Variants in SDK1 observed in about 807,000 individuals in gnomAD.
The protein encoded by SDK1 is protein sidekick-1.
In SDK1, 157 loss-of-function variants were observed where a neutral mutation model predicts 245.5. That is an observed-to-expected ratio of 0.64 (90% CI 0.56 to 0.73). The LOEUF is 0.73. Ranked by LOEUF, SDK1 falls within the 30% of genes least tolerant of loss-of-function variation. The pLI is 0.00. For missense variants in SDK1, 3,583 were observed against 3,002.3 expected, an observed-to-expected ratio of 1.19 and a Z score of -4.52; for synonymous variants, 1,647 against 1,278.5, an observed-to-expected ratio of 1.29 and a Z score of -6.15.
At chr7:3,805,063 G>C (rs1779207741) in intron 4 of SDK1, among the ~76,000 whole-genome samples, 1 of 152,178 alleles carries the variant, frequency 6.6e-6, no homozygotes, top group African/African-American at 2.4e-5. Flanking sequence ...ATGAGGTAAT[G>C]TATGGTTAAT....
chr7:3,975,170 G>T (rs1782817347), intron 13 of SDK1, among the ~76,000 whole-genome samples: 1 of 152,160 alleles, frequency 6.6e-6, no homozygotes, highest in South Asian at 2.1e-4. Context: ...TCTATTCATG[G>T]AGCAGGAAAC....
chr7:4,144,318 G>C (rs776156131), intron 28 of SDK1, among the ~76,000 whole-genome samples: 51 of 152,138 alleles, frequency 3.4e-4, no homozygotes, highest in Non-Finnish European at 4.4e-4. Context: ...AAGACAGCCC[G>C]TCCACTGGAG....
intron 1 of SDK1, among the ~76,000 whole-genome samples, chr7:3,360,765 G>A (rs1780929457): frequency 6.6e-6 from 1 of 152,106 alleles, no homozygotes; most frequent in Non-Finnish European, 1.5e-5. Flanking sequence ...GACTGTATTA[G>A]CAGTCCCCCC....
chr7:3,534,436 T>G (rs1014309517), intron 1 of SDK1, among the ~76,000 whole-genome samples: 1 of 152,166 alleles, frequency 6.6e-6, no homozygotes, highest in African/African-American at 2.4e-5. Context: ...GTAATTATAT[T>G]TTTAATTTTT....
At chr7:3,321,628 G>T (rs1779804622) in intron 1 of SDK1, among the ~76,000 whole-genome samples, 1 of 151,398 alleles carries the variant, frequency 6.6e-6, no homozygotes, top group Non-Finnish European at 1.5e-5. Context: ...GTTTTCGCAA[G>T]TTTTTTTTTA....
At chr7:3,575,379 A>G (rs1045675288) in intron 1 of SDK1, among the ~76,000 whole-genome samples, 1 of 152,022 alleles carries the variant, frequency 6.6e-6, no homozygotes, top group Admixed American at 6.6e-5. Context: ...AATGCCTCCC[A>G]AAGGTCCTAT....
At chr7:4,244,662 A>G (rs566996523) in intron 43 of SDK1, among the ~76,000 whole-genome samples, 13 of 152,264 alleles carry the variant, frequency 8.5e-5, no homozygotes, top group Non-Finnish European at 1.6e-4. Flanking sequence ...GAGTCTGGGC[A>G]CAGCTCAGCT....
At chr7:3,600,350 G>A (rs1781214548) in intron 1 of SDK1, among the ~76,000 whole-genome samples, 1 of 152,086 alleles carries the variant, frequency 6.6e-6, no homozygotes, top group Non-Finnish European at 1.5e-5. Flanking sequence ...TTCCTACATA[G>A]ACAGTAACAT....
At chr7:3,782,234 C>G (rs900845146) in intron 4 of SDK1, among the ~76,000 whole-genome samples, 3 of 152,180 alleles carry the variant, frequency 2.0e-5, no homozygotes, top group Non-Finnish European at 2.9e-5. Flanking sequence ...AAGCACTTGT[C>G]TCACATCGCT....
intron 1 of SDK1, among the ~76,000 whole-genome samples, chr7:3,524,052 C>T (rs1300005765): frequency 1.3e-5 from 2 of 152,164 alleles, no homozygotes; most frequent in South Asian, 2.1e-4. Context: ...TCATTGACAA[C>T]ATTGGTTCGT....
At chr7:4,053,580 CT>C (rs1239505470) in intron 19 of SDK1, among the ~76,000 whole-genome samples, 1 of 152,184 alleles carries the variant, frequency 6.6e-6, no homozygotes, top group African/African-American at 2.4e-5. Flanking sequence ...TGGCTCCCCA[CT>C]CCCTTTTAGT....
At chr7:4,207,494 G>A (rs531049252) in intron 36 of SDK1, among the ~76,000 whole-genome samples, 17 of 152,202 alleles carry the variant, frequency 1.1e-4, no homozygotes, top group Non-Finnish European at 2.4e-4. Context: ...GAGGAATGAG[G>A]CCTTCCCAGC....
At chr7:3,323,256 A>G (rs1779862233) in intron 1 of SDK1, among the ~76,000 whole-genome samples, 1 of 152,168 alleles carries the variant, frequency 6.6e-6, no homozygotes, top group South Asian at 2.1e-4. Flanking sequence ...ATTCATTGTT[A>G]CATTCCCTGC....
intron 4 of SDK1, among the ~76,000 whole-genome samples, chr7:3,690,605 G>A (rs1004081746): frequency 6.6e-5 from 10 of 152,112 alleles, no homozygotes; most frequent in African/African-American, 2.4e-4. Flanking sequence ...TAAGATCATA[G>A]TATAGCTTTT....
At chr7:3,337,655 A>G (rs1253227455) in intron 1 of SDK1, among the ~76,000 whole-genome samples, 2 of 152,212 alleles carry the variant, frequency 1.3e-5, no homozygotes, top group African/African-American at 2.4e-5. Flanking sequence ...GAGTTTAACA[A>G]TGTGTAATTT....
chr7:4,196,806 C>T (rs555328059), intron 35 of SDK1, among the ~76,000 whole-genome samples: 1 of 152,328 alleles, frequency 6.6e-6, no homozygotes, highest in East Asian at 1.9e-4. Context: ...GCCAGTGCTT[C>T]TCACGGTACC....
chr7:4,187,627 G>T (rs1782968113), intron 35 of SDK1, among the ~76,000 whole-genome samples: 1 of 152,120 alleles, frequency 6.6e-6, no homozygotes, highest in African/African-American at 2.4e-5. Flanking sequence ...GCTATTTTTT[G>T]CATGGGGGTC....
intron 20 of SDK1, among the ~76,000 whole-genome samples, chr7:4,074,640 C>T (rs890383794): frequency 5.3e-5 from 8 of 151,712 alleles, no homozygotes; most frequent in Admixed American, 1.3e-4. Flanking sequence ...GTGGGAGGAT[C>T]GCTTGATACC....
chr7:3,458,450 C>A (rs1780734396), intron 1 of SDK1, among the ~76,000 whole-genome samples: 1 of 151,942 alleles, frequency 6.6e-6, no homozygotes, highest in South Asian at 2.1e-4. Flanking sequence ...GTTAAGTCTC[C>A]TGGATTTATC....
Sources: gnomAD v4.1 joint callset for allele counts (sites outside exome capture counted in the v4.1 genomes callset) on GRCh38, gnomAD v4.1.1 for gene constraint, MANE v1.5 for transcripts, NCBI Gene and HGNC (gene_info 2026-07-23, HGNC 2026-07-21) for gene names.